Variants in SLC38A10 observed in about 807,000 individuals in gnomAD.
SLC38A10 encodes the protein Sodium-coupled neutral amino acid transporter 10.
A neutral mutation model predicts 81.0 loss-of-function variants in SLC38A10; 53 were observed. The observed-to-expected ratio is 0.65, with a 90% CI of 0.53 to 0.82. The LOEUF (loss-of-function observed/expected upper bound fraction) is 0.82. SLC38A10 is among the 40% of genes least tolerant of loss of function. The pLI, the probability that SLC38A10 is intolerant of heterozygous loss-of-function variation, is 0.00. For synonymous variants in SLC38A10, 665 were observed against 655.3 expected, an observed-to-expected ratio of 1.01 and a Z score of -0.23; for missense variants, 1,471 against 1,545.0, an observed-to-expected ratio of 0.95 and a Z score of 0.80.
chr17:81,277,176 A>G lies in SLC38A10; in HGVS notation c.627-43T>C. On this transcript the variant is annotated intron_variant, in intron 6 of 15. Coordinates refer to ENST00000374759, the MANE Select transcript of SLC38A10 (RefSeq NM_001037984.3). This position sits in a 1 kb window ranked among gnomAD's most constrained non-coding sequence, Gnocchi z 4.5. ...ATTTCACAGCGGACCTGAGAGAGGC[A>G]CGCCCTCCCCAGCGGCTCCACTTCT... The G allele has an allele frequency of 6.3e-7, 1 of 1,581,350 alleles. No homozygotes were observed. The highest frequency in any genetic ancestry group is 8.7e-7 in the Non-Finnish European group (1 of 1,152,300).
chr17:81,246,535 G>A lies in SLC38A10; in HGVS notation c.2381C>T (p.Pro794Leu). 6.6e-7 allele frequency: 1 copy of A among 1,519,506 alleles called. No individual in the cohort carries two copies. The highest frequency in any genetic ancestry group is 8.8e-7 in the Non-Finnish European group (1 of 1,135,526). 94.1% of individuals were successfully genotyped at this position (1,519,506 alleles called of 1,614,324 possible). The change falls in exon 16 of 16, where the codon CCA becomes CTA. Residue 794 changes from proline to leucine, a missense_variant. Pro to Leu is a moderately conservative substitution (Grantham distance 98, BLOSUM62 -3). Coordinates refer to ENST00000374759, the MANE Select transcript of SLC38A10 (RefSeq NM_001037984.3). ...GGAGCGCTGGTTAAGGTCCTGGGAT[G>A]GAGCAGGGCGGCCCCCAGGAGCTCT... ...VLRAPGGRPA[P>L]SQDLNQRSLE... is the part of the protein sequence containing the mutation.
At chr17:81,274,315 TG>T (rs1256706627) in intron 8 of SLC38A10, among the ~76,000 whole-genome samples, 3 of 152,162 alleles carry the variant, frequency 2.0e-5, no homozygotes, top group Non-Finnish European at 4.4e-5. Context: ...ACGTGGCTGG[TG>T]GAAGTCTGCA....
intron 14 of SLC38A10, 89 bp from the exon 15 acceptor site, chr17:81,247,150 C>T: frequency 1.5e-6 from 2 of 1,352,024 alleles, no homozygotes; most frequent in Non-Finnish European, 2.0e-6. Context: ...CAAGGCAACG[C>T]ACAGGTCACC....
intron 2 of SLC38A10, chr17:81,285,603 T>G (rs1012265786): frequency 6.6e-6 from 1 of 152,072 alleles, no homozygotes; most frequent in African/African-American, 2.4e-5. Flanking sequence ...GCAGGGTCCC[T>G]CCCAGGCCCC....
Position 81,244,817 on chromosome 17 carries a change from T to C in SLC38A10, c.*739A>G, listed in dbSNP as rs568450914. 7.9e-5 allele frequency among the ~76,000 whole-genome samples: 12 copies of C among 152,302 alleles called. No individual in the cohort carries two copies. In the East Asian group the frequency reaches 2.3e-3, roughly 29 times the overall value. On this transcript the variant is annotated 3_prime_UTR_variant, in exon 16 of 16. Coordinates refer to ENST00000374759, the MANE Select transcript of SLC38A10 (RefSeq NM_001037984.3). ...CCAGGACCAACTTCACTAATCAGGT[T>C]ATCAGTGGTGTTTTTTACTTTTTAA...
chr17:81,273,404 C>T (rs1457203058), intron 8 of SLC38A10, among the ~76,000 whole-genome samples: 2 of 152,340 alleles, frequency 1.3e-5, no homozygotes, highest in African/African-American at 4.8e-5. Flanking sequence ...AGGCAAGTGA[C>T]TTCTCGGTGC....
intron 11 of SLC38A10, among the ~76,000 whole-genome samples, chr17:81,259,123 C>CT (rs2062998289): frequency 6.6e-6 from 1 of 152,260 alleles, no homozygotes; most frequent in South Asian, 2.1e-4. Flanking sequence ...AGGGTCACGG[C>CT]TGAGATGGCG....
intron 5 of SLC38A10, 80 bp from the exon 6 acceptor site, chr17:81,280,813 G>A (rs2063204801): frequency 2.0e-6 from 3 of 1,521,668 alleles, no homozygotes; most frequent in East Asian, 2.3e-5. Context: ...GCGCCGCTAG[G>A]AAGGAGTGGC....
chr17:81,280,749 G>T lies in SLC38A10; in HGVS notation c.502-16C>A. 1.2e-6 allele frequency: 2 copies of T among 1,607,506 alleles called. No individual in the cohort carries two copies. The highest frequency in any genetic ancestry group is 1.7e-6 in the Non-Finnish European group (2 of 1,176,298). On this transcript the variant is annotated splice_polypyrimidine_tract_variant and intron_variant, in intron 5 of 15. Transcript: ENST00000374759. ...AGAGCACGATCTGCAGAGGGAGAGG[G>T]GAGAGAGCACGGGGCAGGTCAGGAC...
rs1567919255 is a variant in SLC38A10, at chr17:81,245,846, G to A, written c.3070C>T (p.Arg1024Ter). 7.4e-6 allele frequency: 12 copies of A among 1,612,136 alleles called. No homozygotes were observed. Among genetic ancestry groups the A allele is most frequent in the Admixed American group, 1.7e-5 (1 of 59,990 alleles). Residue 1024 changes from arginine to a stop codon, truncating the protein, a stop_gained, in exon 16 of 16, where the codon CGA becomes TGA. Transcript: ENST00000374759. LOFTEE classifies it low-confidence loss of function (END_TRUNC). ...GGCCTCTGGCCCCCCGGGACAGCTC[G>A]TTTGAGCCCCAGCTCTGGCTCTGGC... is the stretch of plus-strand genomic sequence containing the variant. ...QRPEPELGLK[R>*]AVPGGQRPDN...
rs2063170582 is a variant in SLC38A10, at chr17:81,277,263, C to A, written c.627-130G>T. The A allele has an allele frequency of 1.9e-5, 15 of 789,638 alleles. 1 individual carries two copies. In the South Asian group the frequency reaches 2.2e-4, roughly 12 times the overall value. 48.9% of individuals were successfully genotyped at this position (789,638 alleles called of 1,614,324 possible). On this transcript the variant is annotated intron_variant, in intron 6 of 15. Coordinates refer to ENST00000374759, the MANE Select transcript of SLC38A10 (RefSeq NM_001037984.3). The surrounding 1 kb of genome is among the most constrained non-coding windows in gnomAD (Gnocchi z 4.5). ...TCCTTCATGCAACATTCTCTGCACACTGGAAGTCCCAGCGCTGAGGCCAGG... is the reference window on the plus strand; with the variant it reads ...TCCTTCATGCAACATTCTCTGCACAATGGAAGTCCCAGCGCTGAGGCCAGG...
Position 81,295,118 on chromosome 17 carries a change from C to G in SLC38A10, c.-197G>C, listed in dbSNP as rs1236536811. 1 of 980,296 alleles carries G rather than the reference C, an allele frequency of 1.0e-6. No individual in the cohort carries two copies. The highest frequency in any genetic ancestry group is 1.3e-6 in the Non-Finnish European group (1 of 769,506). The allele number at this position is 980,296 out of a possible 1,614,324, so 60.7% of individuals were successfully genotyped here. On this transcript the variant is annotated 5_prime_UTR_variant, in exon 1 of 16. Transcript: ENST00000374759. ...AGAGGCTGCCTGGAGGAGGCAGCCT[C>G]GAAGGCCGGCTGCGGGGGCGAGGTC...
Position 81,246,468 on chromosome 17 carries a change from G to A in SLC38A10, c.2448C>T (p.Gly816=). 1 of 1,572,686 alleles carries A rather than the reference G, an allele frequency of 6.4e-7. No homozygotes were observed. The highest frequency in any genetic ancestry group is 8.6e-7 in the Non-Finnish European group (1 of 1,160,994). The change falls in exon 16 of 16, where the codon GGC becomes GGT. Residue 816 remains glycine, a synonymous_variant. Transcript: ENST00000374759. ...CTGTGTCAGGGCCGCCGTCAGGAGG[G>A]CCAGCAGGGTCTCTGCCCACAGGCC... ...SEGPVGRDPA[G]PPDGGPDTEP... is the part of the protein sequence containing the mutation.
chr17:81,289,613 G>GAGTA lies in SLC38A10; in HGVS notation c.217+74_217+77dup, dbSNP rs2063294003. 1.1e-6 allele frequency: 1 copy of GAGTA among 951,766 alleles called. No individual in the cohort carries two copies. Among genetic ancestry groups the GAGTA allele is most frequent in the Admixed American group, 3.1e-5 (1 of 31,872 alleles). The allele number at this position is 951,766 out of a possible 1,614,324, so 59.0% of individuals were successfully genotyped here. ...CAAGGAATTCTTGAAGAATCAAGTA[G>GAGTA]AGTAAATAAATAAATAAATAAATGG... is the stretch of plus-strand genomic sequence containing the variant. On this transcript the variant is annotated intron_variant, in intron 2 of 15. Coordinates refer to ENST00000374759, the MANE Select transcript of SLC38A10 (RefSeq NM_001037984.3). This position sits in a 1 kb window ranked among gnomAD's most constrained non-coding sequence, Gnocchi z 5.9.
chr17:81,284,998 CG>C, intron 2 of SLC38A10, 103 bp from the exon 3 acceptor site: 1 of 1,002,010 alleles, frequency 1.0e-6, no homozygotes, highest in Non-Finnish European at 1.4e-6. Flanking sequence ...CAGAAACCCA[CG>C]GGCCCAGATT....
Position 81,247,043 on chromosome 17 carries a change from A to C in SLC38A10, c.2084T>G (p.Met695Arg). 2 of 1,590,000 alleles carry C rather than the reference A, an allele frequency of 1.3e-6. No individual in the cohort carries two copies. Among genetic ancestry groups the C allele is most frequent in the Non-Finnish European group, 1.7e-6 (2 of 1,170,462 alleles). Residue 695 changes from methionine (M) to arginine (R), a missense_variant, in exon 15 of 16, where the codon ATG becomes AGG. By Grantham distance (91) the Met-to-Arg change is moderately conservative (BLOSUM62 -1). Coordinates refer to ENST00000374759, the MANE Select transcript of SLC38A10 (RefSeq NM_001037984.3). The part of the protein sequence containing the change: ...SQLEEAGRAE[M>R]LDHAVLLQVI... ...CTGAAGCAGGACGGCGTGGTCCAGC[A>C]TCTCCGCCCTGCCAGCTTCTGGGTT...
intron 14 of SLC38A10, among the ~76,000 whole-genome samples, chr17:81,249,240 A>G (rs2062881947): frequency 1.8e-5 from 1 of 55,182 alleles, no homozygotes; most frequent in African/African-American, 7.9e-5. Context: ...GAGGAGGGAG[A>G]AGGAAGGTGG....
At chr17:81,251,919 G>A (rs926933842) in intron 13 of SLC38A10, 99 of 528,036 alleles carry the variant, frequency 1.9e-4, no homozygotes, top group Non-Finnish European at 3.0e-4. Flanking sequence ...CGCCCCCCGC[G>A]CCGCCCCCCG....
intron 8 of SLC38A10, among the ~76,000 whole-genome samples, chr17:81,273,828 G>A (rs2063137851): frequency 6.6e-6 from 1 of 152,180 alleles, no homozygotes; most frequent in African/African-American, 2.4e-5. Context: ...CGCAACAGGT[G>A]GAGAAGCAAG....
Sources: allele counts gnomAD v4.1 joint callset (sites outside exome capture counted in the v4.1 genomes callset), GRCh38; gene constraint gnomAD v4.1.1; non-coding constraint Gnocchi (gnomAD v3.1); transcripts MANE v1.5; gene names NCBI Gene and HGNC (gene_info 2026-07-23, HGNC 2026-07-21).